MGLL: variants seen among roughly 807,000 people sequenced by gnomAD.
MGLL encodes monoglyceride lipase, also known as lysophospholipase homolog.
MGLL carries 7 observed loss-of-function variants against 29.1 expected under a neutral mutation model. The ratio of observed to expected loss-of-function variants is 0.24; its 90% CI spans 0.14 to 0.45. The LOEUF is 0.45. Ranked by LOEUF, MGLL falls within the 20% of genes least tolerant of loss-of-function variation. MGLL has a pLI of 0.99. For synonymous variants in MGLL, 148 were observed against 168.3 expected (o/e 0.88, Z 0.93); for missense variants, 356 against 413.6 (o/e 0.86, Z 1.21).
chr3:127,820,808 T>C (rs1366637154), intron 2 of MGLL, among the ~76,000 whole-genome samples: 1 of 152,230 alleles, frequency 6.6e-6, no homozygotes, highest in Non-Finnish European at 1.5e-5. Flanking sequence ...TATGACTCTA[T>C]GCCGGGTTTT....
At chr3:127,742,589 CAAAAAAAAAAAAA>C (rs60743176) in intron 3 of MGLL, among the ~76,000 whole-genome samples, 1 of 70,494 alleles carries the variant, frequency 1.4e-5, no homozygotes, top group Non-Finnish European at 2.5e-5. Flanking sequence ...GACTCCGTCC[CAAAAAAAAAAAAA>C]AAAAAAAAAA....
At chr3:127,752,713 C>T (rs1291841976) in intron 3 of MGLL, among the ~76,000 whole-genome samples, 2 of 152,116 alleles carry the variant, frequency 1.3e-5, no homozygotes, top group African/African-American at 2.4e-5. Context: ...GCAGATGGAA[C>T]CTTCCCAAAA....
intron 3 of MGLL, among the ~76,000 whole-genome samples, chr3:127,732,480 G>A (rs1197508384): frequency 1.3e-5 from 2 of 152,188 alleles, no homozygotes; most frequent in Admixed American, 1.3e-4. Context: ...CAGGAAGCAG[G>A]GGACTGAAGA....
At chr3:127,818,367 C>G (rs1432112070) in intron 2 of MGLL, among the ~76,000 whole-genome samples, 1 of 151,662 alleles carries the variant, frequency 6.6e-6, no homozygotes, top group African/African-American at 2.4e-5. Flanking sequence ...GAAGGGATAC[C>G]TATCTCTAAT....
At chr3:127,717,636 C>G (rs1381490581) in intron 5 of MGLL, among the ~76,000 whole-genome samples, 3 of 152,198 alleles carry the variant, frequency 2.0e-5, no homozygotes, top group African/African-American at 7.2e-5. Flanking sequence ...AAGGGACAAC[C>G]TTGGCAACAG....
intron 3 of MGLL, among the ~76,000 whole-genome samples, chr3:127,749,237 T>C (rs2076510386): frequency 1.3e-5 from 2 of 152,220 alleles, no homozygotes; most frequent in South Asian, 4.1e-4. Context: ...CTTCTATTTA[T>C]TTATTAGTGA....
intron 7 of MGLL, among the ~76,000 whole-genome samples, chr3:127,692,594 G>A (rs2075268811): frequency 6.6e-6 from 1 of 152,118 alleles, no homozygotes; most frequent in Non-Finnish European, 1.5e-5. Flanking sequence ...CCCTGGACCC[G>A]TTTCTGTGTC....
intron 3 of MGLL, among the ~76,000 whole-genome samples, chr3:127,755,366 C>G (rs1228414752): frequency 6.6e-6 from 1 of 152,168 alleles, no homozygotes; most frequent in African/African-American, 2.4e-5. Flanking sequence ...CATGCCTCTC[C>G]CACCCAGCCT....
intron 2 of MGLL, among the ~76,000 whole-genome samples, chr3:127,782,502 G>A (rs574917281): frequency 1.3e-5 from 2 of 152,290 alleles, no homozygotes; most frequent in East Asian, 3.9e-4. Flanking sequence ...GGGTGCTTGT[G>A]AGGCTCATGG....
chr3:127,706,018 A>G (rs1177138455), intron 6 of MGLL, among the ~76,000 whole-genome samples: 1 of 152,178 alleles, frequency 6.6e-6, no homozygotes, highest in Non-Finnish European at 1.5e-5. Context: ...TGGCACAGCC[A>G]CCGTGGAAAA....
At chr3:127,752,903 T>C (rs750456962) in intron 3 of MGLL, among the ~76,000 whole-genome samples, 4 of 152,180 alleles carry the variant, frequency 2.6e-5, no homozygotes, top group Admixed American at 2.6e-4. Flanking sequence ...GAATGTGCAC[T>C]GAAGTGGCTA....
chr3:127,782,926 C>T (rs2077152793), intron 2 of MGLL, among the ~76,000 whole-genome samples: 1 of 152,072 alleles, frequency 6.6e-6, no homozygotes, highest in Non-Finnish European at 1.5e-5. Context: ...AGGTGGCTCA[C>T]ACCTATAATC....
intron 3 of MGLL, among the ~76,000 whole-genome samples, chr3:127,726,839 A>C (rs1349334376): frequency 6.6e-6 from 1 of 152,200 alleles, no homozygotes; most frequent in African/African-American, 2.4e-5. Context: ...CTTCACCCTA[A>C]ACACTTCAGC....
At chr3:127,714,397 A>G (rs1446637413) in intron 5 of MGLL, among the ~76,000 whole-genome samples, 1 of 152,230 alleles carries the variant, frequency 6.6e-6, no homozygotes, top group African/African-American at 2.4e-5. Context: ...GGAAGGGACA[A>G]GCAGCCACCC....
chr3:127,769,787 G>A (rs1449148689), intron 3 of MGLL, among the ~76,000 whole-genome samples: 2 of 152,200 alleles, frequency 1.3e-5, no homozygotes, highest in Non-Finnish European at 2.9e-5. Context: ...TGAGTGGAGG[G>A]AGAGCAGAGC....
At chr3:127,712,586 T>A (rs3773136) in intron 5 of MGLL, 19,418 of 152,276 alleles carry the variant, frequency 0.13, 1,412 homozygotes, top group East Asian at 0.29. Flanking sequence ...AGCCTTGGCA[T>A]CCAGGCAAGC....
At chr3:127,711,025 G>A (rs1167353280) in intron 5 of MGLL, 2 of 365,850 alleles carry the variant, frequency 5.5e-6, no homozygotes, top group Non-Finnish European at 5.3e-6. Flanking sequence ...TTTCTCTGGG[G>A]TACTGAAAAT....
intron 3 of MGLL, chr3:127,736,440 G>A (rs971687901): frequency 1.3e-6 from 1 of 761,108 alleles, no homozygotes; most frequent in East Asian, 1.3e-4. Context: ...GTCCTAGAGA[G>A]AACACGTGAG....
intron 3 of MGLL, among the ~76,000 whole-genome samples, chr3:127,747,402 C>T (rs185845252): frequency 1.3e-5 from 2 of 152,358 alleles, no homozygotes; most frequent in African/African-American, 4.8e-5. Context: ...AGTGTTATCA[C>T]AGGATGGCAT....
Sources: gnomAD v4.1 joint callset for allele counts (sites outside exome capture counted in the v4.1 genomes callset) on GRCh38, gnomAD v4.1.1 for gene constraint, MANE v1.5 for transcripts, NCBI Gene and HGNC (gene_info 2026-07-23, HGNC 2026-07-21) for gene names.